KCNN2: variants seen among roughly 807,000 people sequenced by gnomAD.
The protein encoded by KCNN2 is potassium calcium-activated channel subfamily N member 2.
In KCNN2, 24 loss-of-function variants were observed where a neutral mutation model predicts 55.5. That is an observed-to-expected ratio of 0.43 (90% CI 0.31 to 0.61). The LOEUF is 0.61. Ranked by LOEUF, KCNN2 falls within the 20% of genes least tolerant of loss-of-function variation. The pLI, the probability that KCNN2 is intolerant of heterozygous loss-of-function variation, is 0.08. For synonymous variants in KCNN2, 431 were observed against 336.1 expected, an observed-to-expected ratio of 1.28 and a Z score of -3.09; for missense variants, 754 against 853.6, an observed-to-expected ratio of 0.88 and a Z score of 1.45.
chr5:114,416,198 T>C (rs1050243981), intron 3 of KCNN2, among the ~76,000 whole-genome samples: 2 of 152,236 alleles, frequency 1.3e-5, no homozygotes, highest in Non-Finnish European at 2.9e-5. Flanking sequence ...ATATCCGTCA[T>C]TTTTTCACTT....
intron 2 of KCNN2, among the ~76,000 whole-genome samples, chr5:114,222,481 A>G (rs990311576): frequency 2.6e-5 from 4 of 152,204 alleles, no homozygotes; most frequent in Non-Finnish European, 5.9e-5. Context: ...TGAGACCATG[A>G]AGTCATTAGG....
chr5:114,484,133 C>A (rs1410010672), intron 5 of KCNN2, among the ~76,000 whole-genome samples: 1 of 152,030 alleles, frequency 6.6e-6, no homozygotes, highest in Non-Finnish European at 1.5e-5. Context: ...CCAGTTAACA[C>A]CATAGACATT....
chr5:114,269,355 C>T (rs995302902), intron 2 of KCNN2, among the ~76,000 whole-genome samples: 4 of 152,170 alleles, frequency 2.6e-5, no homozygotes. Flanking sequence ...TTCCTAACTT[C>T]CAAACTGATT....
intron 2 of KCNN2, among the ~76,000 whole-genome samples, chr5:114,394,710 G>A (rs13184658): frequency 0.27 from 40,928 of 152,004 alleles, 6,301 homozygotes; most frequent in Non-Finnish European, 0.35. Context: ...TGGTTACTTA[G>A]TTGTCTCCAA....
chr5:114,117,437 G>C (rs944674815), intron 1 of KCNN2, among the ~76,000 whole-genome samples: 3 of 152,194 alleles, frequency 2.0e-5, no homozygotes, highest in Non-Finnish European at 4.4e-5. Flanking sequence ...GGTCCTGTCT[G>C]AGGGGCCACC....
At chr5:114,152,810 T>A (rs940399489) in intron 1 of KCNN2, among the ~76,000 whole-genome samples, 1 of 151,970 alleles carries the variant, frequency 6.6e-6, no homozygotes, top group Non-Finnish European at 1.5e-5. Flanking sequence ...GATGCCAGCA[T>A]GTAAAAAGGC....
At chr5:114,247,277 C>G (rs1005158502) in intron 2 of KCNN2, among the ~76,000 whole-genome samples, 25 of 148,896 alleles carry the variant, frequency 1.7e-4, no homozygotes, top group Non-Finnish European at 7.4e-5. Flanking sequence ...TCTGTGCTGA[C>G]TCTTCTGTAA....
chr5:114,280,734 T>C (rs1402962574), intron 2 of KCNN2, among the ~76,000 whole-genome samples: 1 of 152,184 alleles, frequency 6.6e-6, no homozygotes, highest in Non-Finnish European at 1.5e-5. Context: ...ATACAATCTG[T>C]TGCCCCTAAA....
intron 1 of KCNN2, among the ~76,000 whole-genome samples, chr5:114,088,563 A>C (rs1305499251): frequency 1.3e-5 from 2 of 151,814 alleles, no homozygotes; most frequent in Non-Finnish European, 2.9e-5. Flanking sequence ...TTTCTTCTTC[A>C]ATATCTAATC....
At chr5:114,372,620 C>G (rs534600199) in intron 2 of KCNN2, among the ~76,000 whole-genome samples, 1 of 151,966 alleles carries the variant, frequency 6.6e-6, no homozygotes, top group African/African-American at 2.4e-5. Context: ...AATAACTATT[C>G]ATGTTAGAAA....
At chr5:114,369,691 C>T (rs182591294) in intron 2 of KCNN2, among the ~76,000 whole-genome samples, 21 of 152,170 alleles carry the variant, frequency 1.4e-4, no homozygotes, top group African/African-American at 5.1e-4. Context: ...ACTGTAGTAA[C>T]GAAATCACTC....
intron 2 of KCNN2, among the ~76,000 whole-genome samples, chr5:114,256,156 T>C (rs917478291): frequency 7.9e-5 from 12 of 152,156 alleles, no homozygotes; most frequent in African/African-American, 2.9e-4. Context: ...GTTCCATCCA[T>C]GTTGTTAAAA....
chr5:114,240,194 GT>G (rs1426864678), intron 2 of KCNN2, among the ~76,000 whole-genome samples: 1 of 151,738 alleles, frequency 6.6e-6, no homozygotes, highest in Non-Finnish European at 1.5e-5. Context: ...AGTTTACATG[GT>G]TTAACACTAG....
At chr5:114,333,114 T>G (rs958479950) in intron 2 of KCNN2, among the ~76,000 whole-genome samples, 5 of 152,182 alleles carry the variant, frequency 3.3e-5, no homozygotes, top group Non-Finnish European at 1.5e-5. Flanking sequence ...TCAGAAAGAA[T>G]AAATGTTGAT....
intron 1 of KCNN2, among the ~76,000 whole-genome samples, chr5:114,071,431 AAC>A: frequency 6.6e-6 from 1 of 152,292 alleles, no homozygotes; most frequent in South Asian, 2.1e-4. Context: ...TGTTTGAAAA[AAC>A]TTAGGTCACA....
chr5:114,275,517 T>C (rs1258235052), intron 2 of KCNN2, among the ~76,000 whole-genome samples: 1 of 152,154 alleles, frequency 6.6e-6, no homozygotes, highest in African/African-American at 2.4e-5. Context: ...TCAGAACCTG[T>C]TATTTGTCTA....
chr5:114,165,269 G>C (rs1274750286), intron 1 of KCNN2, among the ~76,000 whole-genome samples: 1 of 152,100 alleles, frequency 6.6e-6, no homozygotes, highest in Non-Finnish European at 1.5e-5. Context: ...GAGACTGAAA[G>C]ACAGATCCCT....
At chr5:114,394,424 G>T (rs1456177074) in intron 2 of KCNN2, among the ~76,000 whole-genome samples, 7 of 152,064 alleles carry the variant, frequency 4.6e-5, no homozygotes. Context: ...CCCATGGTTT[G>T]GTCCTTGTCT....
intron 2 of KCNN2, among the ~76,000 whole-genome samples, chr5:114,395,519 T>C (rs1310052493): frequency 1.3e-5 from 2 of 152,166 alleles, no homozygotes; most frequent in Non-Finnish European, 2.9e-5. Context: ...CTAAATAATA[T>C]TAGTTCTTCT....
Sources: gnomAD v4.1 joint callset for allele counts (sites outside exome capture counted in the v4.1 genomes callset) on GRCh38, gnomAD v4.1.1 for gene constraint, MANE v1.5 for transcripts, NCBI Gene and HGNC (gene_info 2026-07-23, HGNC 2026-07-21) for gene names.